Variants in GLIS3 observed in about 807,000 individuals in gnomAD.
GLIS3 encodes zinc finger protein GLIS3.
GLIS3 carries 53 observed loss-of-function variants against 78.6 expected under a neutral mutation model. The ratio of observed to expected loss-of-function variants is 0.67; its 90% confidence interval spans 0.54 to 0.85. The LOEUF (loss-of-function observed/expected upper bound fraction) is 0.85, where lower values mean the gene tolerates loss of function less well. Ranked by LOEUF, GLIS3 falls within the 40% of genes least tolerant of loss-of-function variation. The pLI is 0.00. For missense variants in GLIS3, 1,703 were observed against 1,231.1 expected (o/e 1.38, Z -5.74); for synonymous variants, 684 against 509.9 (o/e 1.34, Z -4.60).
intron 2 of GLIS3, among the ~76,000 whole-genome samples, chr9:4,241,161 G>A (rs1823272078): frequency 6.6e-6 from 1 of 152,126 alleles, no homozygotes; most frequent in Non-Finnish European, 1.5e-5. Flanking sequence ...AAATCTAAAG[G>A]TACATTCAAC....
At chr9:4,070,280 G>A (rs1440754327) in intron 4 of GLIS3, among the ~76,000 whole-genome samples, 2 of 152,132 alleles carry the variant, frequency 1.3e-5, no homozygotes, top group Admixed American at 1.3e-4. Flanking sequence ...TGGGGATAAT[G>A]ATTTAATGGA....
intron 2 of GLIS3, among the ~76,000 whole-genome samples, chr9:4,165,114 G>T (rs1835777975): frequency 6.6e-6 from 1 of 152,104 alleles, no homozygotes; most frequent in Non-Finnish European, 1.5e-5. Context: ...AGAGGCTGGA[G>T]GGGCCCTGAA....
intron 4 of GLIS3, among the ~76,000 whole-genome samples, chr9:4,109,355 A>G (rs987870870): frequency 2.0e-5 from 3 of 152,206 alleles, no homozygotes; most frequent in Non-Finnish European, 4.4e-5. Context: ...CATTCTACAT[A>G]ACTGATCAAA....
intron 4 of GLIS3, among the ~76,000 whole-genome samples, chr9:4,044,386 C>G (rs1338080636): frequency 1.3e-5 from 2 of 152,166 alleles, no homozygotes; most frequent in African/African-American, 4.8e-5. Context: ...CATTTGTTTT[C>G]CTGATTGTTC....
At chr9:4,434,141 A>G in the GLIS3 span, among the ~76,000 whole-genome samples, 1 of 151,482 alleles carries the variant, frequency 6.6e-6, no homozygotes, top group Non-Finnish European at 1.5e-5. Context: ...GCAATTGTGT[A>G]GAACGCCTCA....
chr9:4,259,368 G>A lies in GLIS3; in HGVS notation c.388+26670C>T, dbSNP rs193133066. ...TTCCACCTTCCCCTTTACATATGGGGGATTGAAAACAGATCCTCCCCATGA... is the reference window on the plus strand; with the variant it reads ...TTCCACCTTCCCCTTTACATATGGGAGATTGAAAACAGATCCTCCCCATGA... On this transcript the variant is annotated intron_variant, in intron 2 of 10. Coordinates refer to ENST00000381971, the MANE Select transcript of GLIS3 (RefSeq NM_001042413.2). 2.8e-3 allele frequency among the ~76,000 whole-genome samples: 429 copies of A among 152,002 alleles called. 3 individuals are homozygous for A. Among genetic ancestry groups the A allele is most frequent in the East Asian group, 0.025 (129 of 5,176 alleles).
At chr9:4,380,097 G>A in the GLIS3 span, among the ~76,000 whole-genome samples, 17 of 152,202 alleles carry the variant, frequency 1.1e-4, no homozygotes, top group East Asian at 2.3e-3. Context: ...CTATTCCACC[G>A]GAGCATTGTG....
intron 4 of GLIS3, among the ~76,000 whole-genome samples, chr9:4,049,750 A>G (rs1022183016): frequency 7.2e-5 from 11 of 152,212 alleles, no homozygotes; most frequent in African/African-American, 2.7e-4. Context: ...CAAATTTACA[A>G]GAAAAAAACA....
intron 2 of GLIS3, among the ~76,000 whole-genome samples, chr9:4,183,696 TA>T (rs1431825578): frequency 2.6e-5 from 4 of 152,206 alleles, no homozygotes; most frequent in African/African-American, 7.2e-5. Context: ...TTACAAAATT[TA>T]AAAAATAATA....
At chr9:4,442,328 G>C in the GLIS3 span, among the ~76,000 whole-genome samples, 1 of 151,954 alleles carries the variant, frequency 6.6e-6, no homozygotes, top group Non-Finnish European at 1.5e-5. Context: ...TTATTTGTTT[G>C]GGTCTTCTCT....
chr9:4,104,795 T>C (rs1460214054), intron 4 of GLIS3, among the ~76,000 whole-genome samples: 1 of 152,192 alleles, frequency 6.6e-6, no homozygotes, highest in Non-Finnish European at 1.5e-5. Flanking sequence ...CTGCATTATT[T>C]ATTATCTTCC....
chr9:4,189,769 G>C (rs1441776140), intron 2 of GLIS3, among the ~76,000 whole-genome samples: 1 of 151,964 alleles, frequency 6.6e-6, no homozygotes, highest in Non-Finnish European at 1.5e-5. Flanking sequence ...TGTCTCTTTT[G>C]ATCTTTGCTG....
chr9:4,147,816 A>T (rs373142782), intron 2 of GLIS3, among the ~76,000 whole-genome samples: 2 of 1,520 alleles, frequency 1.3e-3, no homozygotes, highest in African/African-American at 1.5e-3. Context: ...AGTTCATACC[A>T]AAAAAAAAAA....
the GLIS3 span, among the ~76,000 whole-genome samples, chr9:4,458,927 G>A: frequency 6.6e-6 from 1 of 152,182 alleles, no homozygotes; most frequent in Non-Finnish European, 1.5e-5. Context: ...TAGAGCAGAA[G>A]TGGGTGACAG....
intron 2 of GLIS3, among the ~76,000 whole-genome samples, chr9:4,253,255 G>A (rs1211213658): frequency 6.6e-6 from 1 of 152,236 alleles, no homozygotes; most frequent in Non-Finnish European, 1.5e-5. Flanking sequence ...GGAGATGGGA[G>A]TTTTATCTAC....
intron 2 of GLIS3, among the ~76,000 whole-genome samples, chr9:4,186,755 A>G (rs1428535457): frequency 1.3e-5 from 2 of 151,996 alleles, no homozygotes; most frequent in Non-Finnish European, 1.5e-5. Context: ...GCCAGTGATG[A>G]TGAGCTTTTT....
the GLIS3 span, among the ~76,000 whole-genome samples, chr9:4,463,878 G>T: frequency 0.33 from 49,962 of 152,104 alleles, 9,674 homozygotes; most frequent in Middle Eastern, 0.49. Context: ...GCAGTCATTT[G>T]TACGTGTGGT....
intron 4 of GLIS3, among the ~76,000 whole-genome samples, chr9:4,065,874 T>C (rs905353291): frequency 7.2e-5 from 11 of 152,016 alleles, no homozygotes; most frequent in African/African-American, 2.7e-4. Context: ...ACAAAGGAAA[T>C]ACAGGCTAAG....
At chr9:4,027,351 G>A (rs1239857180) in intron 4 of GLIS3, among the ~76,000 whole-genome samples, 1 of 152,210 alleles carries the variant, frequency 6.6e-6, no homozygotes, top group African/African-American at 2.4e-5. Flanking sequence ...CACAGCAGGA[G>A]TTTTGCTAAA....
Sources: gnomAD v4.1 joint callset for allele counts (sites outside exome capture counted in the v4.1 genomes callset) on GRCh38, gnomAD v4.1.1 for gene constraint, MANE v1.5 for transcripts, NCBI Gene and HGNC (gene_info 2026-07-23, HGNC 2026-07-21) for gene names.